CACNA1A: variants seen among roughly 807,000 people sequenced by gnomAD.
CACNA1A encodes calcium voltage-gated channel subunit alpha1 A, also known as voltage-dependent P/Q-type calcium channel subunit alpha-1A.
Under a neutral mutation model 262.4 loss-of-function variants are expected in CACNA1A, and 57 were observed. The observed-to-expected ratio is 0.22, with a 90% CI of 0.18 to 0.27. CACNA1A has a LOEUF of 0.27. Among genes scored for constraint, CACNA1A ranks in the 10% least tolerant of loss-of-function variants. The probability of loss-of-function intolerance (pLI) is 1.00; values close to 1 mark genes in which losing one functional copy is unlikely to be tolerated. For synonymous variants in CACNA1A, 1,431 were observed against 1,419.3 expected (o/e 1.01, Z -0.18); for missense variants, 2,526 against 3,562.8 (o/e 0.71, Z 7.41).
chr19:13,237,059 G>A (rs1461336447), intron 31 of CACNA1A, among the ~76,000 whole-genome samples: 1 of 152,048 alleles, frequency 6.6e-6, no homozygotes, highest in Non-Finnish European at 1.5e-5. Flanking sequence ...CTGGCTTTCT[G>A]GCAACCCCAG....
rs1009660700 is a variant in CACNA1A at position 13,344,794 on chromosome 19, G to A, written c.979-8885C>T. On this transcript the variant is annotated intron_variant, in intron 6 of 46. Transcript: ENST00000360228. ...TTTAGGGACAGAATCTCACTCTGTCGCCCAGACTGGAGTGTGATGGCACGA... is the reference window on the plus strand; with the variant it reads ...TTTAGGGACAGAATCTCACTCTGTCACCCAGACTGGAGTGTGATGGCACGA... 1.2e-4 allele frequency among the ~76,000 whole-genome samples: 18 copies of A among 151,444 alleles called. 1 individual carries two copies. Among genetic ancestry groups the A allele is most frequent in the African/African-American group, 1.7e-4 (7 of 41,150 alleles).
chr19:13,224,647 C>T lies in CACNA1A; in HGVS notation c.5731+20G>A, dbSNP rs774752183. ...CCACCCTGTCACGCCTGTCTGTGCC[C>T]GCCCCTGTCCCTTCCTTACCCTTGG... is the stretch of plus-strand genomic sequence containing the variant. On this transcript the variant is annotated intron_variant, in intron 38 of 46. Coordinates refer to ENST00000360228, the MANE Select transcript of CACNA1A (RefSeq NM_001127222.2). 38 of 1,555,666 alleles carry T rather than the reference C, an allele frequency of 2.4e-5. No individual in the cohort carries two copies. The highest frequency in any genetic ancestry group is 1.7e-4 in the Middle Eastern group (1 of 5,956).
intron 34 of CACNA1A, among the ~76,000 whole-genome samples, chr19:13,232,929 A>G (rs1600133507): frequency 7.2e-6 from 1 of 138,708 alleles, no homozygotes; most frequent in Non-Finnish European, 1.6e-5. Context: ...GGCACCTATA[A>G]TCTCAGCTAC....
chr19:13,305,970 G>A (rs1030538171), intron 15 of CACNA1A, among the ~76,000 whole-genome samples: 9 of 151,586 alleles, frequency 5.9e-5, no homozygotes, highest in Non-Finnish European at 1.2e-4. Flanking sequence ...TGAGGCAGGA[G>A]AATCGCTTGA....
At chr19:13,322,771 T>A (rs1417491861) in intron 10 of CACNA1A, among the ~76,000 whole-genome samples, 1 of 152,086 alleles carries the variant, frequency 6.6e-6, no homozygotes, top group Admixed American at 6.6e-5. Flanking sequence ...AATTTTTGTA[T>A]TTTTAGTAGA....
chr19:13,463,898 T>C (rs1018636781), intron 1 of CACNA1A, among the ~76,000 whole-genome samples: 2 of 152,144 alleles, frequency 1.3e-5, no homozygotes, highest in African/African-American at 4.8e-5. Context: ...GGCCTTGACC[T>C]TGGGCAAGGC....
intron 37 of CACNA1A, chr19:13,226,261 G>GAC (rs1568437628): frequency 8.5e-6 from 1 of 118,046 alleles, no homozygotes; most frequent in Admixed American, 8.5e-5. Flanking sequence ...ACCGGGGGGG[G>GAC]GGGGGGGGGC....
At chr19:13,262,293 A>AAG (rs150485785) in intron 25 of CACNA1A, 2 of 157,930 alleles carry the variant, frequency 1.3e-5, no homozygotes, top group Non-Finnish European at 2.8e-5. Context: ...TATTTCCCTT[A>AAG]ATATATATAT....
chr19:13,300,750 A>G (rs1011199157), intron 17 of CACNA1A, 94 bp from the exon 18 acceptor site: 29 of 992,792 alleles, frequency 2.9e-5, no homozygotes, highest in African/African-American at 4.8e-5. Context: ...AACATTTGAA[A>G]TATTTCGACC....
chr19:13,285,147 C>T lies in CACNA1A; in HGVS notation c.3613G>A (p.Glu1205Lys), dbSNP rs779989955. The change falls in exon 21 of 47, where the codon GAG becomes AAG. Residue 1205 changes from glutamate to lysine, a missense_variant. Physicochemically the swap from Glu to Lys is moderately conservative, Grantham distance 56 (BLOSUM62 1). Transcript: ENST00000360228. ...PKKEEEKKEEEEDDRGEDGPK... is the reference protein window; with the variant it reads ...PKKEEEKKEEKEDDRGEDGPK... ...CCGTCTTCCCCACGGTCGTCTTCCT[C>T]CTCCTCCTTCTTCTCTTCCTCTTTT... 5.0e-6 allele frequency: 8 copies of T among 1,613,936 alleles called. No individual in the cohort carries two copies. The South Asian group carries it at 7.7e-5, about 16-fold the overall frequency.
chr19:13,209,122 C>T (rs972783866), intron 45 of CACNA1A, 113 bp from the exon 46 acceptor site: 2 of 1,459,282 alleles, frequency 1.4e-6, no homozygotes, highest in Non-Finnish European at 1.8e-6. Flanking sequence ...ATCCCCTGAA[C>T]CGAGGCAGGT....
At chr19:13,227,070 G>A (rs989905467) in intron 37 of CACNA1A, 1 of 157,204 alleles carries the variant, frequency 6.4e-6, no homozygotes, top group South Asian at 2.0e-4. Flanking sequence ...GCAGAAGTGG[G>A]AAGCATGGGT....
At chr19:13,439,120 T>C (rs1316333747) in intron 3 of CACNA1A, among the ~76,000 whole-genome samples, 1 of 151,584 alleles carries the variant, frequency 6.6e-6, no homozygotes, top group Non-Finnish European at 1.5e-5. Context: ...TTTTTTTTTT[T>C]TTTTTTGAGA....
intron 3 of CACNA1A, among the ~76,000 whole-genome samples, chr19:13,416,156 A>G (rs778844307): frequency 6.6e-6 from 1 of 152,210 alleles, no homozygotes; most frequent in Non-Finnish European, 1.5e-5. Flanking sequence ...GCTGGAGTGC[A>G]GTGGCACAAT....
chr19:13,298,458 A>G lies in CACNA1A; in HGVS notation c.3089+86T>C, dbSNP rs1246709370. 12 of 1,246,938 alleles carry G rather than the reference A, an allele frequency of 9.6e-6. No individual in the cohort carries two copies. In the African/African-American group the frequency reaches 1.9e-4, roughly 20 times the overall value. The allele number at this position is 1,246,938 out of a possible 1,614,324, so 77.2% of individuals were successfully genotyped here. ...ACAGCATTTTATAATATATTTTTATAAACAAATACACAGCACGTGCTACTT... is the reference window on the plus strand; with the variant it reads ...ACAGCATTTTATAATATATTTTTATGAACAAATACACAGCACGTGCTACTT... On this transcript the variant is annotated intron_variant, in intron 19 of 46. Transcript: ENST00000360228.
Position 13,214,746 on chromosome 19 carries a change from C to T in CACNA1A, c.5732-138G>A. 1.5e-6 allele frequency: 1 copy of T among 688,144 alleles called. No individual in the cohort carries two copies. The highest frequency in any genetic ancestry group is 2.5e-6 in the Non-Finnish European group (1 of 395,496). The allele number at this position is 688,144 out of a possible 1,614,324, so 42.6% of individuals were successfully genotyped here. ...CATGGGGTCTCCAGTTCCCCAACGG[C>T]CTGGCCCAGAGGAGGCCCTGGGCAG... On this transcript the variant is annotated intron_variant, in intron 38 of 46. Transcript: ENST00000360228. This position sits in a 1 kb window ranked among gnomAD's most constrained non-coding sequence, Gnocchi z 4.1.
At chr19:13,239,786 A>AGTGTGTGT (rs369158094) in intron 31 of CACNA1A, among the ~76,000 whole-genome samples, 1 of 150,684 alleles carries the variant, frequency 6.6e-6, no homozygotes, top group African/African-American at 2.4e-5. Flanking sequence ...AGAGAGGGCC[A>AGTGTGTGT]GTGTGTGTGT....
chr19:13,230,053 T>A, intron 36 of CACNA1A, 29 bp downstream of exon 36: 1 of 1,608,746 alleles, frequency 6.2e-7, no homozygotes, highest in East Asian at 2.2e-5. Context: ...GTGAGTATTG[T>A]GGCTGGAGGA....
At chr19:13,250,248 C>T (rs968760755) in intron 30 of CACNA1A, among the ~76,000 whole-genome samples, 7 of 151,322 alleles carry the variant, frequency 4.6e-5, no homozygotes, top group African/African-American at 7.3e-5. Context: ...TTAGTAGAGA[C>T]GGGGTTTCAC....
Sources: gnomAD v4.1 joint callset for allele counts (sites outside exome capture counted in the v4.1 genomes callset) on GRCh38, gnomAD v4.1.1 for gene constraint, Gnocchi (gnomAD v3.1) non-coding constraint, MANE v1.5 for transcripts, NCBI Gene and HGNC (gene_info 2026-07-23, HGNC 2026-07-21) for gene names.